SEPHS1: variants seen among roughly 807,000 people sequenced by gnomAD.
SEPHS1 encodes the protein zincore component SEPHS1.
A neutral mutation model predicts 39.2 loss-of-function variants in SEPHS1; 7 were observed. The observed-to-expected ratio is 0.18, with a 90% confidence interval of 0.10 to 0.34. SEPHS1 has a LOEUF of 0.34. Ranked by LOEUF, SEPHS1 falls within the 10% of genes least tolerant of loss-of-function variation. SEPHS1 has a pLI of 1.00. For missense variants in SEPHS1, 253 were observed against 514.5 expected, an observed-to-expected ratio of 0.49 and a Z score of 4.92; for synonymous variants, 190 against 195.5, an observed-to-expected ratio of 0.97 and a Z score of 0.23.
intron 4 of SEPHS1, 99 bp downstream of exon 4, chr10:13,336,144 G>C: frequency 1.3e-6 from 1 of 752,510 alleles, no homozygotes; most frequent in African/African-American, 1.7e-5. Context: ...CATATGGCCT[G>C]GGCTCCTCGC....
Position 13,342,885 on chromosome 10 carries a change from A to G in SEPHS1, c.193+1873T>C, listed in dbSNP as rs1463655211. ...CGAGTAGCTGAAACTACAGGTGTAC[A>G]CCAGCAAGCCCAGGTAACTTTTGTA... On this transcript the variant is annotated intron_variant, in intron 2 of 8. Transcript: ENST00000327347. 7.9e-5 allele frequency among the ~76,000 whole-genome samples: 12 copies of G among 152,118 alleles called. No individual in the cohort carries two copies. The East Asian group carries it at 2.3e-3, about 30-fold the overall frequency.
intron 5 of SEPHS1, among the ~76,000 whole-genome samples, chr10:13,330,832 TTTTTAAA>T (rs559534016): frequency 6.5e-5 from 9 of 137,492 alleles, no homozygotes; most frequent in East Asian, 6.4e-4. Flanking sequence ...ATGTTCTTTT[TTTTTAAA>T]TTTTTTAAAA....
At chr10:13,324,439 T>C (rs1245918505) in intron 7 of SEPHS1, among the ~76,000 whole-genome samples, 2 of 152,224 alleles carry the variant, frequency 1.3e-5, no homozygotes, top group South Asian at 2.1e-4. Flanking sequence ...TTCAACTTTT[T>C]TGAGTGAATA....
In SEPHS1 at chr10:13,318,971, G is replaced by C; in HGVS notation, c.*171C>G. 1.6e-6 allele frequency: 1 copy of C among 630,344 alleles called. No individual in the cohort carries two copies. The highest frequency in any genetic ancestry group is 3.4e-5 in the Admixed American group (1 of 29,272). The allele number at this position is 630,344 out of a possible 1,614,324, so 39.0% of individuals were successfully genotyped here. ...GGTGCATCTTCAGTTAATGTAACAG[G>C]AAAAAAAGGCAATGGATTTTATTTT... On this transcript the variant is annotated 3_prime_UTR_variant, in exon 9 of 9. Coordinates refer to ENST00000327347, the MANE Select transcript of SEPHS1 (RefSeq NM_012247.5).
At chr10:13,329,117 G>C (rs1406103245) in intron 6 of SEPHS1, among the ~76,000 whole-genome samples, 1 of 152,154 alleles carries the variant, frequency 6.6e-6, no homozygotes, top group African/African-American at 2.4e-5. Flanking sequence ...TTTGTGAGTT[G>C]TTACGGCAAT....
chr10:13,336,152 C>T (rs918906496), intron 4 of SEPHS1, 91 bp downstream of exon 4: 16 of 842,966 alleles, frequency 1.9e-5, no homozygotes, highest in Non-Finnish European at 3.1e-5. Context: ...CTGGGCTCCT[C>T]GCTTTCTAGA....
At chr10:13,329,251 C>T (rs1833397321) in intron 6 of SEPHS1, among the ~76,000 whole-genome samples, 1 of 152,184 alleles carries the variant, frequency 6.6e-6, no homozygotes, top group Non-Finnish European at 1.5e-5. Context: ...CTGAGTTACT[C>T]ATCAGTTTAA....
At chr10:13,322,756 G>C (rs960379324) in intron 8 of SEPHS1, 79 bp downstream of exon 8, 2 of 1,358,182 alleles carry the variant, frequency 1.5e-6, no homozygotes, top group African/African-American at 1.4e-5. Flanking sequence ...GGGCCCACTC[G>C]GGGTGGGGCT....
chr10:13,341,101 C>T (rs940366945), intron 2 of SEPHS1, among the ~76,000 whole-genome samples: 4 of 152,100 alleles, frequency 2.6e-5, no homozygotes, highest in African/African-American at 9.7e-5. Context: ...GAAAATTACG[C>T]ATGTGGCTTG....
intron 4 of SEPHS1, 137 bp from the exon 5 acceptor site, chr10:13,334,108 T>A (rs1588542020): frequency 4.0e-6 from 3 of 752,022 alleles, no homozygotes. Flanking sequence ...ACAGGGAAGG[T>A]TGTTAGGGGC....
intron 2 of SEPHS1, among the ~76,000 whole-genome samples, chr10:13,339,555 A>G (rs892439140): frequency 6.6e-6 from 1 of 151,870 alleles, no homozygotes; most frequent in Non-Finnish European, 1.5e-5. Flanking sequence ...AGCTGAACAC[A>G]GTGAGCAGCC....
chr10:13,335,705 C>T (rs1023585082), intron 4 of SEPHS1, among the ~76,000 whole-genome samples: 1 of 149,974 alleles, frequency 6.7e-6, no homozygotes, highest in Non-Finnish European at 1.5e-5. Context: ...TTGGGCCGGG[C>T]ACGGTGTTTC....
chr10:13,336,493 G>A (rs1833639704), intron 3 of SEPHS1, 143 bp from the exon 4 acceptor site: 3 of 683,620 alleles, frequency 4.4e-6, no homozygotes, highest in South Asian at 3.2e-5. Flanking sequence ...CAGTTTCTAT[G>A]ATTTGCAGAC....
chr10:13,330,777 G>C (rs913344909), intron 5 of SEPHS1, among the ~76,000 whole-genome samples: 1 of 152,056 alleles, frequency 6.6e-6, no homozygotes, highest in Non-Finnish European at 1.5e-5. Flanking sequence ...CAGACCTGAA[G>C]ACATAAATGT....
chr10:13,343,937 C>A (rs1833862113), intron 2 of SEPHS1, among the ~76,000 whole-genome samples: 1 of 152,144 alleles, frequency 6.6e-6, no homozygotes, highest in South Asian at 2.1e-4. Context: ...ATAAACTGCA[C>A]AAGAAACATG....
chr10:13,341,832 G>A (rs773899475), intron 2 of SEPHS1, among the ~76,000 whole-genome samples: 10 of 151,924 alleles, frequency 6.6e-5, no homozygotes, highest in South Asian at 2.1e-4. Context: ...GGTGGTGCAC[G>A]TCTGTCATTC....
intron 5 of SEPHS1, among the ~76,000 whole-genome samples, chr10:13,332,985 G>A (rs563109573): frequency 1.3e-5 from 2 of 152,300 alleles, no homozygotes; most frequent in Admixed American, 6.5e-5. Context: ...TGAACAGTGA[G>A]AGCCGAGGAG....
intron 7 of SEPHS1, among the ~76,000 whole-genome samples, chr10:13,323,418 G>C (rs750671239): frequency 1.3e-5 from 2 of 152,030 alleles, no homozygotes; most frequent in Admixed American, 6.6e-5. Context: ...GCAGTCGTAC[G>C]ATCTCGGCTC....
At chr10:13,328,745 A>G (rs952804939) in intron 6 of SEPHS1, among the ~76,000 whole-genome samples, 1 of 152,184 alleles carries the variant, frequency 6.6e-6, no homozygotes, top group African/African-American at 2.4e-5. Context: ...CATGCAGTGT[A>G]GTGTCCTGCT....
Sources: allele counts gnomAD v4.1 joint callset (sites outside exome capture counted in the v4.1 genomes callset), GRCh38; gene constraint gnomAD v4.1.1; transcripts MANE v1.5; gene names NCBI Gene and HGNC (gene_info 2026-07-23, HGNC 2026-07-21).